WDR37: variants seen among roughly 807,000 people sequenced by gnomAD.
WDR37 encodes WD repeat domain 37, also known as WD repeat-containing protein 37.
WDR37 carries 19 observed loss-of-function variants against 62.9 expected under a neutral mutation model. The observed-to-expected ratio is 0.30, with a 90% confidence interval of 0.21 to 0.44. The LOEUF (loss-of-function observed/expected upper bound fraction) is 0.44, where lower values mean the gene tolerates loss of function less well. Ranked by LOEUF, WDR37 falls within the 20% of genes least tolerant of loss-of-function variation. The pLI, the probability that WDR37 is intolerant of heterozygous loss-of-function variation, is 1.00. For missense variants in WDR37, 474 were observed against 657.6 expected, an observed-to-expected ratio of 0.72 and a Z score of 3.05; for synonymous variants, 250 against 260.9, an observed-to-expected ratio of 0.96 and a Z score of 0.40.
chr10:1,061,952 G>A (rs907108204), intron 1 of WDR37, among the ~76,000 whole-genome samples: 92 of 151,876 alleles, frequency 6.1e-4, no homozygotes, highest in Non-Finnish European at 1.8e-4. Context: ...ATGTATATGC[G>A]GATATTCCAA....
At chr10:1,127,635 A>G (rs1410558600) in intron 13 of WDR37, among the ~76,000 whole-genome samples, 1 of 151,870 alleles carries the variant, frequency 6.6e-6, no homozygotes, top group Non-Finnish European at 1.5e-5. Flanking sequence ...CTTGGTGGAG[A>G]GTCAGGAGGT....
chr10:1,062,834 T>C (rs949389286), intron 1 of WDR37, among the ~76,000 whole-genome samples: 1 of 152,148 alleles, frequency 6.6e-6, no homozygotes, highest in Non-Finnish European at 1.5e-5. Flanking sequence ...ACGCCTGTAA[T>C]CCAAGCACTT....
intron 8 of WDR37, among the ~76,000 whole-genome samples, chr10:1,093,937 C>A (rs968219490): frequency 1.3e-4 from 20 of 152,286 alleles, no homozygotes; most frequent in South Asian, 1.2e-3. Flanking sequence ...TTTATCTAAC[C>A]CGTGGTAGCT....
In WDR37 at chr10:1,088,161, A is replaced by G. The variant is rs561023429; in HGVS notation, c.604+1804A>G. 1.4e-3 allele frequency among the ~76,000 whole-genome samples: 206 copies of G among 152,338 alleles called. 1 individual carries two copies. Among genetic ancestry groups the G allele is most frequent in the South Asian group, 6.6e-3 (32 of 4,828 alleles). On this transcript the variant is annotated intron_variant, in intron 7 of 13. Transcript: ENST00000263150. ...CTGAATTAGGCTGCAGCTAAAGGGA[A>G]TGTTGTGGCTGGTTTAATCAGTCCC...
In WDR37 at chr10:1,129,627, A is replaced by G. The variant is rs573743862; in HGVS notation, c.*283A>G. The G allele has an allele frequency of 2.7e-5, 9 of 332,958 alleles. No homozygotes were observed. Among genetic ancestry groups the G allele is most frequent in the South Asian group, 2.4e-4 (6 of 25,130 alleles). The allele number at this position is 332,958 out of a possible 1,614,324, so 20.6% of individuals were successfully genotyped here. A position where few individuals can be genotyped will look rare whatever the true frequency, so the allele number is the denominator to read the frequency against. On this transcript the variant is annotated 3_prime_UTR_variant, in exon 14 of 14. Coordinates refer to ENST00000263150, the MANE Select transcript of WDR37 (RefSeq NM_014023.4). ...CATGAAATGCTTGTGAGTTGTTGACATTGGACAGGTGAACAGTAGGGCATT... is the reference window on the plus strand; with the variant it reads ...CATGAAATGCTTGTGAGTTGTTGACGTTGGACAGGTGAACAGTAGGGCATT...
intron 1 of WDR37, among the ~76,000 whole-genome samples, chr10:1,066,411 C>T (rs879874762): frequency 2.6e-5 from 4 of 152,220 alleles, no homozygotes; most frequent in Non-Finnish European, 2.9e-5. Context: ...CCACCTCGCC[C>T]AGCCCGATAC....
rs1214612575 is a variant in WDR37 at position 1,130,477 on chromosome 10, C to G, written c.*1133C>G. 2.0e-5 allele frequency: 3 copies of G among 152,482 alleles called. No homozygotes were observed. The East Asian group carries it at 5.8e-4, about 29-fold the overall frequency. The allele number at this position is 152,482 out of a possible 1,614,324, so 9.4% of individuals were successfully genotyped here. On this transcript the variant is annotated 3_prime_UTR_variant, in exon 14 of 14. Transcript: ENST00000263150. ...CAGGTCTTGTGGTGGGGACGCCTCT[C>G]AGTGCCAGTCCCGCCACTGCTGAGT...
chr10:1,098,955 C>G (rs1834696382), intron 9 of WDR37, among the ~76,000 whole-genome samples: 2 of 152,200 alleles, frequency 1.3e-5, no homozygotes, highest in Non-Finnish European at 2.9e-5. Flanking sequence ...CTGTTTCTCA[C>G]TGTTTCATCT....
At chr10:1,090,127 T>C (rs1196688291) in intron 7 of WDR37, among the ~76,000 whole-genome samples, 4 of 151,358 alleles carry the variant, frequency 2.6e-5, no homozygotes, top group East Asian at 1.9e-4. Flanking sequence ...CCACCACGCC[T>C]GGCTAAATTT....
At chr10:1,120,142 C>G (rs1762835744) in intron 11 of WDR37, among the ~76,000 whole-genome samples, 1 of 152,194 alleles carries the variant, frequency 6.6e-6, no homozygotes, top group African/African-American at 2.4e-5. Context: ...CAAATGAATG[C>G]TTGTGTGAGT....
intron 7 of WDR37, among the ~76,000 whole-genome samples, chr10:1,089,591 GCCTTCCCGTGCTCACCCACAATTCAA>G (rs1834313605): frequency 2.0e-5 from 3 of 151,936 alleles, no homozygotes; most frequent in Admixed American, 6.6e-5. Context: ...GGTTAATTCA[GCCTTCCCGTGCTCACCCACAATTCAA>G]CCTTCCCATG....
intron 9 of WDR37, 47 bp downstream of exon 9, chr10:1,096,293 C>G: frequency 1.9e-6 from 3 of 1,578,032 alleles, no homozygotes; most frequent in Non-Finnish European, 2.6e-6. Flanking sequence ...CTGATGTCTG[C>G]GAATCTGAGA....
rs146679355 is a variant in WDR37, at chr10:1,070,667, T to C, written c.-40-1449T>C. The stretch of plus-strand genomic sequence containing the variant: ...TAATTAGAATGCTTAATAAACTGAA[T>C]AGGAAAGATCTTGTTTATGTTATTA... On this transcript the variant is annotated intron_variant, in intron 1 of 13. Coordinates refer to ENST00000263150, the MANE Select transcript of WDR37 (RefSeq NM_014023.4). Among the ~76,000 whole-genome samples the C allele has an allele frequency of 6.6e-5, 10 of 152,310 alleles. No individual in the cohort carries two copies. In the East Asian group the frequency reaches 1.5e-3, roughly 23 times the overall value.
chr10:1,093,346 C>T, intron 7 of WDR37, 106 bp from the exon 8 acceptor site: 1 of 854,386 alleles, frequency 1.2e-6, no homozygotes, highest in South Asian at 1.5e-5. Flanking sequence ...ATATTGAACT[C>T]ATAGTTCTTT....
chr10:1,114,838 G>A (rs1334196952), intron 11 of WDR37, among the ~76,000 whole-genome samples: 1 of 152,198 alleles, frequency 6.6e-6, no homozygotes, highest in Non-Finnish European at 1.5e-5. Context: ...CACACACCCA[G>A]GGGGCTGAAC....
chr10:1,059,445 T>C (rs1415764840), intron 1 of WDR37, among the ~76,000 whole-genome samples: 1 of 152,018 alleles, frequency 6.6e-6, no homozygotes, highest in Admixed American at 6.6e-5. Flanking sequence ...TTCCTCAAAT[T>C]ATACACACTT....
chr10:1,106,400 A>G (rs548454328), intron 11 of WDR37, among the ~76,000 whole-genome samples: 1 of 152,340 alleles, frequency 6.6e-6, no homozygotes, highest in East Asian at 1.9e-4. Flanking sequence ...TGAAAGGTTT[A>G]TAAATGAACT....
chr10:1,083,222 A>G (rs985607174), intron 5 of WDR37, among the ~76,000 whole-genome samples: 1 of 152,276 alleles, frequency 6.6e-6, no homozygotes, highest in Non-Finnish European at 1.5e-5. Context: ...GTGTTCAGAA[A>G]GAAAAGAGGA....
intron 1 of WDR37, among the ~76,000 whole-genome samples, chr10:1,067,254 A>G (rs1040209402): frequency 3.3e-5 from 5 of 152,206 alleles, no homozygotes; most frequent in African/African-American, 1.2e-4. Flanking sequence ...CAAACAACAA[A>G]AAAACCTTGA....
Sources: gnomAD v4.1 joint callset for allele counts (sites outside exome capture counted in the v4.1 genomes callset) on GRCh38, gnomAD v4.1.1 for gene constraint, MANE v1.5 for transcripts, NCBI Gene and HGNC (gene_info 2026-07-23, HGNC 2026-07-21) for gene names.